The following FLNB variants were observed in gnomAD, a reference collection of about 807,000 sequenced individuals.
The protein encoded by FLNB is filamin-B.
A neutral mutation model predicts 250.6 loss-of-function variants in FLNB; 111 were observed. That is an observed-to-expected ratio of 0.44 (90% CI 0.38 to 0.52). The LOEUF is 0.52. FLNB is among the 20% of genes least tolerant of loss of function. The probability of loss-of-function intolerance (pLI) is 0.00; values close to 1 mark genes in which losing one functional copy is unlikely to be tolerated. For missense variants in FLNB, 2,869 were observed against 3,447.8 expected (o/e 0.83, Z 4.20); for synonymous variants, 1,302 against 1,372.1 (o/e 0.95, Z 1.13).
chr3:58,118,954 A>G lies in FLNB; in HGVS notation c.2828A>G (p.Asp943Gly). ...ACTGTGGGTGTTGCTGCACCGCTGGATCTGAGCAAGATAAAACTCAATGGG... is the reference window on the plus strand; with the variant it reads ...ACTGTGGGTGTTGCTGCACCGCTGGGTCTGAGCAAGATAAAACTCAATGGG... The part of the protein sequence containing the change: ...PFTVGVAAPL[D>G]LSKIKLNGLE... Residue 943 changes from aspartate (D) to glycine (G), a missense_variant, in exon 19 of 46, where the codon GAT (aspartate) becomes GGT (glycine). Asp to Gly is a moderately conservative substitution (Grantham distance 94, BLOSUM62 -1). This residue lies in a region of FLNB where 1,348 missense variants were observed against 1,466.7 expected (regional missense o/e 0.92). Coordinates refer to ENST00000295956, the MANE Select transcript of FLNB (RefSeq NM_001457.4). 6.2e-7 allele frequency: 1 copy of G among 1,614,084 alleles called. No homozygotes were observed. The highest frequency in any genetic ancestry group is 8.5e-7 in the Non-Finnish European group (1 of 1,179,964).
At chr3:58,067,771 C>T in intron 1 of FLNB, among the ~76,000 whole-genome samples, 1 of 152,022 alleles carries the variant, frequency 6.6e-6, no homozygotes, top group East Asian at 1.9e-4. Flanking sequence ...TAATTTTTTG[C>T]ATTTTTTAAT....
chr3:58,104,257 A>G (rs2097255812), intron 10 of FLNB, among the ~76,000 whole-genome samples, 172 bp downstream of exon 10: 1 of 151,650 alleles, frequency 6.6e-6, no homozygotes, highest in African/African-American at 2.4e-5. Context: ...AAAGCAGCAG[A>G]AAGTTGCTGT....
chr3:58,142,673 A>G lies in FLNB; in HGVS notation c.5205A>G (p.Pro1735=), dbSNP rs753617822. The G allele has an allele frequency of 2.5e-6, 4 of 1,614,176 alleles. No individual in the cohort carries two copies. In the East Asian group the frequency reaches 8.9e-5, roughly 36 times the overall value. ...AGGTGACCGAAGAGGCCTATGTCCC[A>G]GTGAGTGACATGAACGGCCTGGGAT... The part of the protein sequence containing the change: ...RPWVTEEAYV[P]VSDMNGLGFK... The change falls in exon 31 of 46, where the codon CCA becomes CCG. Residue 1735 remains proline, a synonymous_variant. Coordinates refer to ENST00000295956, the MANE Select transcript of FLNB (RefSeq NM_001457.4). The surrounding 1 kb of genome is among the most constrained non-coding windows in gnomAD (Gnocchi z 4.3).
intron 1 of FLNB, among the ~76,000 whole-genome samples, chr3:58,066,154 T>G (rs955735296): frequency 6.6e-6 from 1 of 152,200 alleles, no homozygotes; most frequent in Admixed American, 6.5e-5. Context: ...CGCAATTGCT[T>G]TGACCATTTT....
chr3:58,115,092 C>G (rs981515903), intron 18 of FLNB, among the ~76,000 whole-genome samples: 13 of 152,060 alleles, frequency 8.5e-5, no homozygotes, highest in African/African-American at 3.1e-4. Flanking sequence ...ATAAAAAATC[C>G]AAAACAAAAC....
chr3:58,116,603 G>A lies in FLNB; in HGVS notation c.2746-2269G>A, dbSNP rs185458232. ...GGCTGTAGGATCCTGTGAGTCCCTT[G>A]AGGATGCAAAAGTAGAGCGCGTTTT... On this transcript the variant is annotated intron_variant, in intron 18 of 45. Transcript: ENST00000295956. Among the ~76,000 whole-genome samples the A allele has an allele frequency of 5.3e-5, 8 of 152,342 alleles. No homozygotes were observed. The East Asian group carries it at 7.7e-4, about 15-fold the overall frequency.
intron 9 of FLNB, among the ~76,000 whole-genome samples, chr3:58,102,632 C>T (rs2097252969): frequency 6.6e-6 from 1 of 152,102 alleles, no homozygotes; most frequent in South Asian, 2.1e-4. Flanking sequence ...ACAAGTGGCT[C>T]ATTTTTTATT....
In FLNB at chr3:58,148,774, G is replaced by A; in HGVS notation, c.6013G>A (p.Ala2005Thr). 6.2e-7 allele frequency: 1 copy of A among 1,614,118 alleles called. No homozygotes were observed. Among genetic ancestry groups the A allele is most frequent in the South Asian group, 1.1e-5 (1 of 91,066 alleles). ...VQSEIGDARR[A>T]KVYGRGLSEG... Reference sequence around the variant, plus strand: ...GTCGGAGATTGGTGACGCCCGCCGAGCCAAAGTCTATGGCCGCGGCCTGTC... The same window carrying A: ...GTCGGAGATTGGTGACGCCCGCCGAACCAAAGTCTATGGCCGCGGCCTGTC... The change falls in exon 36 of 46, where the codon GCC (alanine) becomes ACC (threonine). Residue 2005 changes from alanine to threonine, a missense_variant. Ala to Thr is a moderately conservative substitution (Grantham distance 58). Around this residue, in one of 5 missense-constraint regions of FLNB, gnomAD observed 1,084 missense variants for 1,315.5 expected, o/e 0.82. Coordinates refer to ENST00000295956, the MANE Select transcript of FLNB (RefSeq NM_001457.4).
At chr3:58,153,713 C>T (rs1037284197) in intron 39 of FLNB, 72 bp downstream of exon 39, 273 of 1,563,234 alleles carry the variant, frequency 1.7e-4, no homozygotes, top group Non-Finnish European at 2.1e-4. Context: ...CACCCACATA[C>T]TTTTTTGCCC....
At chr3:58,163,955 C>G (rs2097366172) in intron 43 of FLNB, 1 of 152,434 alleles carries the variant, frequency 6.6e-6, no homozygotes, top group African/African-American at 2.4e-5. Flanking sequence ...AGACTCACTC[C>G]ATCTTCTCTC....
In FLNB at chr3:58,121,410, G is replaced by A. The variant is rs371511989; in HGVS notation, c.3033G>A (p.Glu1011=). The change falls in exon 20 of 46, where the codon GAG becomes GAA. Residue 1011 remains glutamate, a synonymous_variant. Coordinates refer to ENST00000295956, the MANE Select transcript of FLNB (RefSeq NM_001457.4). ...CGGCCAAGTTCATCCCTCGGGAGGA[G>A]GGGCTGTATGCTGTAGACGTGACCT... The part of the protein sequence containing the change: ...NSTAKFIPRE[E]GLYAVDVTYD... 1 of 1,614,068 alleles carries A rather than the reference G, an allele frequency of 6.2e-7. No individual in the cohort carries two copies. Among genetic ancestry groups the A allele is most frequent in the Non-Finnish European group, 8.5e-7 (1 of 1,180,046 alleles).
chr3:58,117,000 G>A (rs2097279231), intron 18 of FLNB, among the ~76,000 whole-genome samples: 1 of 152,170 alleles, frequency 6.6e-6, no homozygotes, highest in South Asian at 2.1e-4. Flanking sequence ...AAGGGATGGT[G>A]CTGAGGGTGG....
In FLNB at chr3:58,136,121, G is replaced by C. The variant is rs201630300; in HGVS notation, c.4814G>C (p.Arg1605Pro). Residue 1605 changes from arginine (R) to proline (P), a missense_variant, in exon 28 of 46, where the codon CGC (arginine) becomes CCC (proline). Physicochemically the swap from Arg to Pro is moderately radical, Grantham distance 103. Transcript: ENST00000295956. ...GACGACATCCCACTTTCTCCTTATCGCATCCGAGCCACACAGACGGGTGAT... is the reference window on the plus strand; with the variant it reads ...GACGACATCCCACTTTCTCCTTATCCCATCCGAGCCACACAGACGGGTGAT... ...GGDDIPLSPY[R>P]IRATQTGDAS... 1 of 1,613,980 alleles carries C rather than the reference G, an allele frequency of 6.2e-7. No individual in the cohort carries two copies. Among genetic ancestry groups the C allele is most frequent in the African/African-American group, 1.3e-5 (1 of 74,906 alleles).
rs577520702 is a variant in FLNB at position 58,018,761 on chromosome 3, G to A, written c.292+9905G>A. On this transcript the variant is annotated intron_variant, in intron 1 of 45. Transcript: ENST00000295956. ...TCGAACTCCCAACCTCAGGTAATCCGCCTGCTTTGGCCTCCCAAAGTGCTG... is the reference window on the plus strand; with the variant it reads ...TCGAACTCCCAACCTCAGGTAATCCACCTGCTTTGGCCTCCCAAAGTGCTG... 2.8e-4 allele frequency among the ~76,000 whole-genome samples: 42 copies of A among 152,006 alleles called. 1 individual carries two copies. In the South Asian group the frequency reaches 6.0e-3, roughly 22 times the overall value.
intron 1 of FLNB, among the ~76,000 whole-genome samples, chr3:58,064,236 G>C (rs2097182310): frequency 6.6e-6 from 1 of 152,144 alleles, no homozygotes; most frequent in African/African-American, 2.4e-5. Context: ...CACCTCCCGG[G>C]TTCAAGCAAT....
In FLNB at chr3:58,170,997, A is replaced by G; in HGVS notation, c.*235A>G. ...GGGCTGAGAAGATCCTGAGTACACTAGGTGCAAACCAGAACTCTTGGTGGA... is the reference window on the plus strand; with the variant it reads ...GGGCTGAGAAGATCCTGAGTACACTGGGTGCAAACCAGAACTCTTGGTGGA... On this transcript the variant is annotated 3_prime_UTR_variant, in exon 46 of 46. Coordinates refer to ENST00000295956, the MANE Select transcript of FLNB (RefSeq NM_001457.4). The G allele has an allele frequency of 1.9e-6, 1 of 522,580 alleles. No homozygotes were observed. Among genetic ancestry groups the G allele is most frequent in the East Asian group, 3.5e-5 (1 of 28,936 alleles). The allele number at this position is 522,580 out of a possible 1,614,324, so 32.4% of individuals were successfully genotyped here.
chr3:58,156,272 C>G (rs1408648003), intron 41 of FLNB, among the ~76,000 whole-genome samples, 197 bp downstream of exon 41: 1 of 152,106 alleles, frequency 6.6e-6, no homozygotes. Context: ...ACACTTGGGG[C>G]GAGCAAAAAC....
chr3:58,156,055 C>T lies in FLNB; in HGVS notation c.6868C>T (p.Leu2290Phe), dbSNP rs2097352898. The T allele has an allele frequency of 6.2e-7, 1 of 1,614,042 alleles. No individual in the cohort carries two copies. The highest frequency in any genetic ancestry group is 8.5e-7 in the Non-Finnish European group (1 of 1,179,892). Residue 2290 changes from leucine (L) to phenylalanine (F), a missense_variant, in exon 41 of 46, where the codon CTC becomes TTC. By Grantham distance (22) the Leu-to-Phe change is conservative (BLOSUM62 0). This residue lies in a region of FLNB where 1,084 missense variants were observed against 1,315.5 expected (regional missense o/e 0.82). Transcript: ENST00000295956. The part of the protein sequence containing the change: ...VIAPSDDARR[L>F]TVMSLQESGL... ...CGCACCCTCCGACGACGCCCGCCGC[C>T]TCACTGTTATGAGCCTTCAGGTGAG...
At chr3:58,050,511 G>A (rs183545454) in intron 1 of FLNB, among the ~76,000 whole-genome samples, 1 of 152,276 alleles carries the variant, frequency 6.6e-6, no homozygotes, top group East Asian at 1.9e-4. Context: ...TTCAATCATG[G>A]ACTGGATTTT....
Sources: gnomAD v4.1 joint callset for allele counts (sites outside exome capture counted in the v4.1 genomes callset) on GRCh38, gnomAD v4.1.1 for gene constraint, gnomAD v4.1.1 regional missense constraint, Gnocchi (gnomAD v3.1) non-coding constraint, MANE v1.5 for transcripts, NCBI Gene and HGNC (gene_info 2026-07-23, HGNC 2026-07-21) for gene names.